Variants in LDLRAD3 observed in about 807,000 individuals in gnomAD.
The protein encoded by LDLRAD3 is low-density lipoprotein receptor class A domain-containing protein 3.
LDLRAD3 carries 20 observed loss-of-function variants against 29.4 expected under a neutral mutation model. The ratio of observed to expected loss-of-function variants is 0.68; its 90% CI spans 0.48 to 0.99. The LOEUF (loss-of-function observed/expected upper bound fraction) is 0.99, where lower values mean the gene tolerates loss of function less well. LDLRAD3 is among the 50% of genes least tolerant of loss of function. LDLRAD3 has a pLI of 0.00. For missense variants in LDLRAD3, 420 were observed against 454.3 expected (o/e 0.92, Z 0.69); for synonymous variants, 157 against 192.7 (o/e 0.81, Z 1.53).
chr11:36,097,475 A>C (rs545764881), intron 3 of LDLRAD3, among the ~76,000 whole-genome samples: 2 of 152,158 alleles, frequency 1.3e-5, no homozygotes, highest in South Asian at 4.1e-4. Context: ...GGATATGTCC[A>C]TGAGGTTCAG....
chr11:36,033,826 AGTCCG>A (rs753383641), intron 1 of LDLRAD3, among the ~76,000 whole-genome samples: 9 of 151,974 alleles, frequency 5.9e-5, no homozygotes, highest in Admixed American at 5.2e-4. Flanking sequence ...GGCTTTCTGG[AGTCCG>A]GTCTTGAGAG....
chr11:35,998,821 G>C (rs1433391584), intron 1 of LDLRAD3, among the ~76,000 whole-genome samples: 2 of 152,168 alleles, frequency 1.3e-5, no homozygotes, highest in African/African-American at 2.4e-5. Context: ...ATTAAATAGA[G>C]CAATTTAACT....
At chr11:36,071,687 G>A (rs1178531014) in intron 2 of LDLRAD3, among the ~76,000 whole-genome samples, 1 of 152,186 alleles carries the variant, frequency 6.6e-6, no homozygotes, top group African/African-American at 2.4e-5. Flanking sequence ...AATTCAGTCA[G>A]TAATTATTGA....
chr11:36,016,889 G>A (rs921741716), intron 1 of LDLRAD3, among the ~76,000 whole-genome samples: 1 of 152,152 alleles, frequency 6.6e-6, no homozygotes, highest in Non-Finnish European at 1.5e-5. Flanking sequence ...GGCTGATGTG[G>A]TACTATGGCT....
At chr11:36,024,384 A>G (rs554186179) in intron 1 of LDLRAD3, among the ~76,000 whole-genome samples, 8 of 152,066 alleles carry the variant, frequency 5.3e-5, no homozygotes, top group East Asian at 1.9e-4. Flanking sequence ...ATTTGTATCT[A>G]TCATCCCTCT....
intron 4 of LDLRAD3, among the ~76,000 whole-genome samples, chr11:36,135,969 A>C (rs1853998417): frequency 6.6e-6 from 1 of 152,202 alleles, no homozygotes; most frequent in Non-Finnish European, 1.5e-5. Flanking sequence ...GGCATTTTCC[A>C]AAAGTACCCA....
intron 1 of LDLRAD3, chr11:35,968,562 A>G: frequency 4.5e-6 from 1 of 224,578 alleles, no homozygotes; most frequent in South Asian, 8.2e-5. Context: ...ATTGCCTCTG[A>G]ATTCTGCACT....
intron 4 of LDLRAD3, among the ~76,000 whole-genome samples, chr11:36,131,375 T>A (rs775760229): frequency 2.6e-5 from 4 of 152,200 alleles, no homozygotes; most frequent in Admixed American, 6.5e-5. Context: ...GGTTGGTATT[T>A]ATATAAAGTG....
intron 4 of LDLRAD3, among the ~76,000 whole-genome samples, chr11:36,112,574 C>A (rs16928417): frequency 0.035 from 5,401 of 152,266 alleles, 328 homozygotes; most frequent in African/African-American, 0.12. Flanking sequence ...TTGACCAAAC[C>A]TTAAGTGGAC....
chr11:36,162,445 A>G (rs1204313612), intron 4 of LDLRAD3, among the ~76,000 whole-genome samples: 2 of 152,118 alleles, frequency 1.3e-5, no homozygotes, highest in Non-Finnish European at 1.5e-5. Flanking sequence ...TCGTCTCCTG[A>G]TTTATAGCTT....
At chr11:36,149,469 C>A (rs551267446) in intron 4 of LDLRAD3, among the ~76,000 whole-genome samples, 2 of 152,146 alleles carry the variant, frequency 1.3e-5, no homozygotes, top group Admixed American at 1.3e-4. Context: ...CTTGGAAGGC[C>A]CCAGAAAGAC....
At chr11:35,974,631 A>G (rs1851454267) in intron 1 of LDLRAD3, among the ~76,000 whole-genome samples, 1 of 152,114 alleles carries the variant, frequency 6.6e-6, no homozygotes, top group Admixed American at 6.5e-5. Context: ...TAAAGGCCTC[A>G]TTTTCTTGCT....
At chr11:36,172,508 G>A (rs768979919) in intron 4 of LDLRAD3, among the ~76,000 whole-genome samples, 13 of 151,960 alleles carry the variant, frequency 8.6e-5, no homozygotes, top group East Asian at 3.9e-4. Flanking sequence ...CTTCTATGCC[G>A]ATTTTGCTGA....
At chr11:36,078,125 A>C (rs1009092803) in intron 2 of LDLRAD3, among the ~76,000 whole-genome samples, 68 of 152,158 alleles carry the variant, frequency 4.5e-4, no homozygotes, top group African/African-American at 1.4e-3. Context: ...CTGAGTCCGG[A>C]GTTTTTATGA....
intron 4 of LDLRAD3, among the ~76,000 whole-genome samples, chr11:36,184,620 C>T (rs188837263): frequency 9.5e-4 from 144 of 152,260 alleles, no homozygotes; most frequent in Non-Finnish European, 1.6e-3. Flanking sequence ...CAGTTCAGGA[C>T]CATTTCAAAC....
At chr11:36,025,580 G>A (rs180715372) in intron 1 of LDLRAD3, among the ~76,000 whole-genome samples, 1,567 of 151,840 alleles carry the variant, frequency 0.01, 16 homozygotes, top group Middle Eastern at 0.021. Context: ...TAGTAGAGAC[G>A]GGGTTTCACC....
chr11:36,056,312 G>A (rs1852619916), intron 2 of LDLRAD3, among the ~76,000 whole-genome samples: 1 of 152,098 alleles, frequency 6.6e-6, no homozygotes, highest in Non-Finnish European at 1.5e-5. Context: ...CCTTTAAACA[G>A]CAACTGAATT....
At chr11:36,123,787 C>T (rs1393677035) in intron 4 of LDLRAD3, among the ~76,000 whole-genome samples, 1 of 152,188 alleles carries the variant, frequency 6.6e-6, no homozygotes, top group Non-Finnish European at 1.5e-5. Flanking sequence ...GACTCTTGTC[C>T]GAGGGTCTGT....
At chr11:35,967,479 A>G (rs1354572175) in intron 1 of LDLRAD3, 1 of 358,030 alleles carries the variant, frequency 2.8e-6, no homozygotes, top group Non-Finnish European at 5.4e-6. Flanking sequence ...GGAAGGTACT[A>G]ATAATCCTCT....
Sources: allele counts gnomAD v4.1 joint callset (sites outside exome capture counted in the v4.1 genomes callset), GRCh38; gene constraint gnomAD v4.1.1; transcripts MANE v1.5; gene names NCBI Gene and HGNC (gene_info 2026-07-23, HGNC 2026-07-21).